SLIT3: variants seen among roughly 807,000 people sequenced by gnomAD.
SLIT3 encodes the protein slit homolog 3 protein.
Under a neutral mutation model 184.0 loss-of-function variants are expected in SLIT3, and 68 were observed. That is an observed-to-expected ratio of 0.37 (90% CI 0.30 to 0.45). SLIT3 has a LOEUF of 0.45. SLIT3 is among the 20% of genes least tolerant of loss of function. The pLI, the probability that SLIT3 is intolerant of heterozygous loss-of-function variation, is 1.00. For synonymous variants in SLIT3, 831 were observed against 828.6 expected (o/e 1.00, Z -0.05); for missense variants, 1,707 against 2,026.0 (o/e 0.84, Z 3.02).
At chr5:169,000,406 A>G (rs981945207) in intron 4 of SLIT3, among the ~76,000 whole-genome samples, 6 of 151,290 alleles carry the variant, frequency 4.0e-5, no homozygotes, top group Non-Finnish European at 8.8e-5. Context: ...AAAAAAAAAA[A>G]AAAAAAAAAA....
intron 4 of SLIT3, among the ~76,000 whole-genome samples, chr5:169,070,939 A>G (rs1286456681): frequency 6.6e-6 from 1 of 152,214 alleles, no homozygotes; most frequent in Non-Finnish European, 1.5e-5. Flanking sequence ...TAACCTTAAA[A>G]GGAAGCATCC....
At chr5:168,858,796 A>G (rs1161709873) in intron 5 of SLIT3, among the ~76,000 whole-genome samples, 1 of 152,210 alleles carries the variant, frequency 6.6e-6, no homozygotes, top group Non-Finnish European at 1.5e-5. Context: ...ATCCTAGGTT[A>G]CTCACAGGCA....
chr5:169,237,070 A>G (rs1236318897), intron 3 of SLIT3, among the ~76,000 whole-genome samples: 2 of 152,282 alleles, frequency 1.3e-5, no homozygotes, highest in African/African-American at 2.4e-5. Flanking sequence ...AAACAACTTT[A>G]CCAACTAGAG....
intron 35 of SLIT3, 30 bp downstream of exon 35, chr5:168,669,753 T>A (rs1201825098): frequency 1.3e-6 from 2 of 1,593,396 alleles, no homozygotes; most frequent in Admixed American, 1.7e-5. Context: ...GACCCCCACT[T>A]CCTCCCTCCC....
chr5:169,135,949 C>G (rs1469261131), intron 4 of SLIT3, among the ~76,000 whole-genome samples: 1 of 152,246 alleles, frequency 6.6e-6, no homozygotes, highest in Non-Finnish European at 1.5e-5. Context: ...TCTACCACCC[C>G]TCACATTACA....
At chr5:169,091,507 C>T (rs1759582865) in intron 4 of SLIT3, among the ~76,000 whole-genome samples, 1 of 152,258 alleles carries the variant, frequency 6.6e-6, no homozygotes, top group African/African-American at 2.4e-5. Context: ...CCCATGTTAA[C>T]AAGCTGGAAG....
intron 13 of SLIT3, among the ~76,000 whole-genome samples, chr5:168,773,923 C>T (rs78436567): frequency 0.033 from 5,020 of 152,142 alleles, 283 homozygotes; most frequent in African/African-American, 0.11. Flanking sequence ...CTGTGTGACC[C>T]TGAGGAAGTT....
intron 4 of SLIT3, among the ~76,000 whole-genome samples, chr5:169,106,857 C>T (rs956875681): frequency 2.0e-5 from 3 of 152,210 alleles, no homozygotes; most frequent in African/African-American, 7.2e-5. Flanking sequence ...TGCAGACAAA[C>T]CTGCAAAAGA....
At chr5:168,970,422 C>A (rs1232472280) in intron 4 of SLIT3, among the ~76,000 whole-genome samples, 4 of 145,898 alleles carry the variant, frequency 2.7e-5, no homozygotes, top group Non-Finnish European at 6.0e-5. Flanking sequence ...TTGAACCCCG[C>A]AGGCGGAGGT....
At chr5:169,101,011 C>A (rs932131962) in intron 4 of SLIT3, among the ~76,000 whole-genome samples, 2 of 152,168 alleles carry the variant, frequency 1.3e-5, no homozygotes, top group African/African-American at 4.8e-5. Flanking sequence ...TTGGGCTCAT[C>A]CTGCCTAGCT....
chr5:169,168,635 C>T (rs1762719347), intron 4 of SLIT3, among the ~76,000 whole-genome samples: 1 of 152,190 alleles, frequency 6.6e-6, no homozygotes, highest in Admixed American at 6.5e-5. Context: ...CAAACCGAAT[C>T]TCTGGGAAAT....
At chr5:169,071,657 A>C (rs1758554090) in intron 4 of SLIT3, among the ~76,000 whole-genome samples, 1 of 152,124 alleles carries the variant, frequency 6.6e-6, no homozygotes, top group Non-Finnish European at 1.5e-5. Flanking sequence ...CAGTCCTTTG[A>C]CATGGAATCT....
intron 6 of SLIT3, among the ~76,000 whole-genome samples, chr5:168,841,576 A>G (rs1026418236): frequency 1.3e-5 from 2 of 150,676 alleles, no homozygotes; most frequent in Non-Finnish European, 3.0e-5. Flanking sequence ...GTCTTTCCCA[A>G]CCTTGTACCA....
intron 4 of SLIT3, among the ~76,000 whole-genome samples, chr5:169,191,961 A>G (rs1763565796): frequency 6.6e-6 from 1 of 152,164 alleles, no homozygotes; most frequent in South Asian, 2.1e-4. Flanking sequence ...TCTCAGATGA[A>G]TAGTATATAC....
chr5:168,936,644 A>G (rs1171071213), intron 4 of SLIT3, among the ~76,000 whole-genome samples: 3 of 152,160 alleles, frequency 2.0e-5, no homozygotes, highest in Non-Finnish European at 4.4e-5. Flanking sequence ...AGCAGCTGAC[A>G]TTATGCTGGA....
At chr5:168,756,072 C>T (rs1049545300) in intron 16 of SLIT3, among the ~76,000 whole-genome samples, 2 of 152,216 alleles carry the variant, frequency 1.3e-5, no homozygotes, top group Non-Finnish European at 2.9e-5. Context: ...ACAAGGAAAT[C>T]GCAGGTGGAG....
intron 6 of SLIT3, among the ~76,000 whole-genome samples, chr5:168,832,810 T>C (rs1173908727): frequency 6.6e-6 from 1 of 152,160 alleles, no homozygotes; most frequent in Non-Finnish European, 1.5e-5. Flanking sequence ...TATTGGCAGC[T>C]AAAACACCTT....
intron 1 of SLIT3, among the ~76,000 whole-genome samples, chr5:169,253,002 T>C (rs944755168): frequency 6.6e-5 from 10 of 151,914 alleles, no homozygotes; most frequent in African/African-American, 2.2e-4. Flanking sequence ...TAAAACAGCA[T>C]CAAAGTTGTT....
Position 168,684,036 on chromosome 5 carries a change from G to C in SLIT3, c.3616C>G (p.Leu1206Val). 6.2e-7 allele frequency: 1 copy of C among 1,608,296 alleles called. No individual in the cohort carries two copies. The highest frequency in any genetic ancestry group is 8.5e-7 in the Non-Finnish European group (1 of 1,177,130). Reference sequence around the variant, plus strand: ...CGCACGTGGCCCTGGTACAGCTCCAGTGCCAGGGGGTCATTGTCTCCTTTG... The same window carrying C: ...CGCACGTGGCCCTGGTACAGCTCCACTGCCAGGGGGTCATTGTCTCCTTTG... ...LYKGDNDPLA[L>V]ELYQGHVRLV... Residue 1206 changes from leucine (L) to valine (V), a missense_variant, in exon 32 of 36, where the codon CTG (leucine) becomes GTG (valine). Leu to Val is a conservative substitution (Grantham distance 32). This residue lies in a region of SLIT3 where 387 missense variants were observed against 477.9 expected (regional missense o/e 0.81). Coordinates refer to ENST00000519560, the MANE Select transcript of SLIT3 (RefSeq NM_003062.4).
Sources: gnomAD v4.1 joint callset for allele counts (sites outside exome capture counted in the v4.1 genomes callset) on GRCh38, gnomAD v4.1.1 for gene constraint, gnomAD v4.1.1 regional missense constraint, MANE v1.5 for transcripts, NCBI Gene and HGNC (gene_info 2026-07-23, HGNC 2026-07-21) for gene names.